EDAR: variants seen among roughly 807,000 people sequenced by gnomAD.
The protein encoded by EDAR is tumor necrosis factor receptor superfamily member EDAR.
In EDAR, 38 loss-of-function variants were observed where a neutral mutation model predicts 51.3. The ratio of observed to expected loss-of-function variants is 0.74; its 90% CI spans 0.57 to 0.97. The LOEUF (loss-of-function observed/expected upper bound fraction) is 0.97, where lower values mean the gene tolerates loss of function less well. EDAR is among the 50% of genes least tolerant of loss of function. EDAR has a pLI of 0.00. For synonymous variants in EDAR, 227 were observed against 242.1 expected (o/e 0.94, Z 0.58); for missense variants, 528 against 595.0 (o/e 0.89, Z 1.17).
At chr2:108,920,943 C>T (rs1205005817) in intron 5 of EDAR, among the ~76,000 whole-genome samples, 1 of 152,116 alleles carries the variant, frequency 6.6e-6, no homozygotes, top group East Asian at 1.9e-4. Context: ...TCGTCTAACT[C>T]AGGCAGTGAA....
chr2:108,897,235 G>C lies in EDAR; in HGVS notation c.1025-6C>G, dbSNP rs1329142935. 1.2e-6 allele frequency: 2 copies of C among 1,612,778 alleles called. No homozygotes were observed. The highest frequency in any genetic ancestry group is 2.2e-5 in the East Asian group (1 of 44,886). On this transcript the variant is annotated splice_region_variant and splice_polypyrimidine_tract_variant and intron_variant, in intron 11 of 11. Transcript: ENST00000258443. The stretch of plus-strand genomic sequence containing the variant: ...CAGCTCCGTGGGGCTAAGACCTACA[G>C]ACACCAATGGCCACAGTTAGATGTT...
Position 108,910,987 on chromosome 2 carries a change from G to A in EDAR, c.615C>T (p.Ile205=). The A allele has an allele frequency of 1.9e-6, 3 of 1,614,174 alleles. No homozygotes were observed. In the African/African-American group the frequency reaches 4.0e-5, roughly 22 times the overall value. Residue 205 remains isoleucine (I), a synonymous_variant, in exon 7 of 12, where the codon ATC becomes ATT. Coordinates refer to ENST00000258443, the MANE Select transcript of EDAR (RefSeq NM_022336.4). ...TTGTCTTCAGGATGTAGAACATGAT[G>A]ATGAGGACGATGGCGATGGCCATGA... The part of the protein sequence containing the change: ...IFIMAIAIVL[I]IMFYILKTKP...
intron 1 of EDAR, among the ~76,000 whole-genome samples, chr2:108,981,730 G>C (rs1204347594): frequency 6.6e-6 from 1 of 152,170 alleles, no homozygotes; most frequent in East Asian, 1.9e-4. Flanking sequence ...TCTCATTTCT[G>C]AACGAGCCCA....
chr2:108,971,782 G>C (rs1698238549), intron 1 of EDAR, among the ~76,000 whole-genome samples: 1 of 152,200 alleles, frequency 6.6e-6, no homozygotes, highest in African/African-American at 2.4e-5. Context: ...ACCTTCAAAA[G>C]GTGGAGCCTA....
At chr2:108,976,515 C>T (rs552246735) in intron 1 of EDAR, among the ~76,000 whole-genome samples, 2 of 152,146 alleles carry the variant, frequency 1.3e-5, no homozygotes, top group East Asian at 1.9e-4. Context: ...CCAGGCGGAG[C>T]GCACACTTAA....
intron 9 of EDAR, among the ~76,000 whole-genome samples, chr2:108,909,812 A>C (rs546454876): frequency 6.6e-6 from 1 of 152,292 alleles, no homozygotes; most frequent in South Asian, 2.1e-4. Context: ...TCACCTGCCA[A>C]ATCTCCTCCT....
At chr2:108,926,559 G>A (rs980010058) in intron 4 of EDAR, among the ~76,000 whole-genome samples, 4 of 152,180 alleles carry the variant, frequency 2.6e-5, no homozygotes, top group Non-Finnish European at 5.9e-5. Flanking sequence ...CCCTGCCCCC[G>A]CCATCCAGAA....
intron 6 of EDAR, 51 bp downstream of exon 6, chr2:108,912,627 A>G (rs758107555): frequency 1.4e-5 from 21 of 1,503,536 alleles, no homozygotes; most frequent in Non-Finnish European, 1.8e-5. Flanking sequence ...CTGAGCTTTC[A>G]TCCGAGTACC....
intron 4 of EDAR, among the ~76,000 whole-genome samples, chr2:108,927,989 C>T (rs188555531): frequency 2.6e-5 from 4 of 152,174 alleles, no homozygotes; most frequent in Non-Finnish European, 5.9e-5. Context: ...CCTCCACCCC[C>T]GGTGCCTCTG....
chr2:108,894,779 C>T lies in EDAR; in HGVS notation c.*2128G>A, dbSNP rs1447963790. On this transcript the variant is annotated 3_prime_UTR_variant, in exon 12 of 12. Coordinates refer to ENST00000258443, the MANE Select transcript of EDAR (RefSeq NM_022336.4). ...AAGTAAATGACAAGGGAATTTGTAA[C>T]TATATAAGGAATAGCTCCCTAAAAA... 1.3e-5 allele frequency: 2 copies of T among 152,106 alleles called. No individual in the cohort carries two copies. Among genetic ancestry groups the T allele is most frequent in the African/African-American group, 4.8e-5 (2 of 41,390 alleles). 9.4% of individuals were successfully genotyped at this position (152,106 alleles called of 1,614,324 possible).
chr2:108,932,212 A>G (rs41427644), intron 1 of EDAR, among the ~76,000 whole-genome samples: 2 of 152,154 alleles, frequency 1.3e-5, no homozygotes, highest in Non-Finnish European at 2.9e-5. Flanking sequence ...GGTAGAAATT[A>G]GCGAAAGATT....
intron 1 of EDAR, among the ~76,000 whole-genome samples, chr2:108,985,817 T>C (rs1396587226): frequency 6.6e-6 from 1 of 152,234 alleles, no homozygotes; most frequent in Non-Finnish European, 1.5e-5. Flanking sequence ...AACTGTGTCA[T>C]TGGAACAATT....
chr2:108,928,293 C>G (rs930186430), intron 4 of EDAR, among the ~76,000 whole-genome samples: 1 of 152,176 alleles, frequency 6.6e-6, no homozygotes, highest in African/African-American at 2.4e-5. Flanking sequence ...CCTAACTCAT[C>G]CAGGCATCAC....
At chr2:108,950,947 G>A (rs1697814836) in intron 1 of EDAR, among the ~76,000 whole-genome samples, 3 of 152,212 alleles carry the variant, frequency 2.0e-5, no homozygotes, top group Non-Finnish European at 4.4e-5. Flanking sequence ...TCACCCAAGG[G>A]CAGCTGCCAG....
chr2:108,917,783 C>G (rs1016762985), intron 5 of EDAR, among the ~76,000 whole-genome samples: 6 of 152,088 alleles, frequency 3.9e-5, no homozygotes, highest in African/African-American at 1.4e-4. Flanking sequence ...CCCACAAGAA[C>G]AGGTGAGCAG....
intron 1 of EDAR, among the ~76,000 whole-genome samples, chr2:108,939,592 AGG>A (rs1349623616): frequency 6.5e-3 from 140 of 21,416 alleles, no homozygotes; most frequent in Non-Finnish European, 0.05. Context: ...GAGGGCTGGG[AGG>A]AGGAGAACAT....
chr2:108,936,475 G>T (rs1468980567), intron 1 of EDAR, among the ~76,000 whole-genome samples: 3 of 42,652 alleles, frequency 7.0e-5, no homozygotes, highest in Non-Finnish European at 2.7e-4. Flanking sequence ...CACAGAGCTG[G>T]CTGCGGGCTC....
intron 1 of EDAR, among the ~76,000 whole-genome samples, chr2:108,938,125 AC>A (rs1697511564): frequency 6.6e-6 from 1 of 152,230 alleles, no homozygotes; most frequent in Admixed American, 6.5e-5. Context: ...CTTCAGCAGA[AC>A]CCACAGAGGC....
At chr2:108,954,788 G>C (rs988073493) in intron 1 of EDAR, among the ~76,000 whole-genome samples, 1 of 151,712 alleles carries the variant, frequency 6.6e-6, no homozygotes, top group Non-Finnish European at 1.5e-5. Flanking sequence ...CGATTCTCCT[G>C]TCTCAGCCTC....
Sources: gnomAD v4.1 joint callset for allele counts (sites outside exome capture counted in the v4.1 genomes callset) on GRCh38, gnomAD v4.1.1 for gene constraint, MANE v1.5 for transcripts, NCBI Gene and HGNC (gene_info 2026-07-23, HGNC 2026-07-21) for gene names.